EPB41L3: variants seen among roughly 807,000 people sequenced by gnomAD.
The protein encoded by EPB41L3 is erythrocyte membrane protein band 4.1 like 3, also known as band 4.1-like protein 3.
Under a neutral mutation model 127.1 loss-of-function variants are expected in EPB41L3, and 57 were observed. That is an observed-to-expected ratio of 0.45 (90% CI 0.36 to 0.56). The LOEUF is 0.56. Among genes scored for constraint, EPB41L3 ranks in the 20% least tolerant of loss-of-function variants. The pLI, the probability that EPB41L3 is intolerant of heterozygous loss-of-function variation, is 0.00. For synonymous variants in EPB41L3, 572 were observed against 549.5 expected, an observed-to-expected ratio of 1.04 and a Z score of -0.57; for missense variants, 1,273 against 1,372.2, an observed-to-expected ratio of 0.93 and a Z score of 1.14.
intron 5 of EPB41L3, among the ~76,000 whole-genome samples, 156 bp downstream of exon 5, chr18:5,443,682 C>T (rs1223546005): frequency 6.6e-6 from 1 of 152,164 alleles, no homozygotes; most frequent in African/African-American, 2.4e-5. Context: ...CAAGTTGTGA[C>T]AACTACAAAA....
At chr18:5,583,133 A>G (rs2094410143) in intron 3 of EPB41L3, among the ~76,000 whole-genome samples, 1 of 152,190 alleles carries the variant, frequency 6.6e-6, no homozygotes, top group Admixed American at 6.5e-5. Context: ...TTACTATACT[A>G]TTTTAACTGT....
chr18:5,596,835 G>A (rs1335805579), intron 3 of EPB41L3, among the ~76,000 whole-genome samples: 1 of 152,126 alleles, frequency 6.6e-6, no homozygotes, highest in Non-Finnish European at 1.5e-5. Context: ...TTTTAATAAT[G>A]AGGTATTTTT....
intron 5 of EPB41L3, among the ~76,000 whole-genome samples, chr18:5,443,328 T>C (rs1307072668): frequency 6.6e-6 from 1 of 152,254 alleles, no homozygotes; most frequent in African/African-American, 2.4e-5. Context: ...ATTTAGCAAC[T>C]GTTTAAGACT....
Position 5,420,757 on chromosome 18 carries a change from T to G in EPB41L3, c.1340-880A>C, listed in dbSNP as rs180910053. On this transcript the variant is annotated intron_variant, in intron 11 of 22. Coordinates refer to ENST00000341928, the MANE Select transcript of EPB41L3 (RefSeq NM_012307.5). ...TATTTTAGGTTTTAGATATAAAATT[T>G]ATTAAAACTTATAAATGTTGCTTTT... 1.9e-3 allele frequency among the ~76,000 whole-genome samples: 287 copies of G among 152,362 alleles called. 1 individual carries two copies. Among genetic ancestry groups the G allele is most frequent in the African/African-American group, 6.5e-3 (270 of 41,586 alleles).
At chr18:5,504,352 A>G (rs1169663641) in intron 1 of EPB41L3, among the ~76,000 whole-genome samples, 1 of 152,096 alleles carries the variant, frequency 6.6e-6, no homozygotes, top group Non-Finnish European at 1.5e-5. Context: ...AATCTCTTAT[A>G]TACTCAATCC....
At chr18:5,404,620 T>TA (rs996057037) in intron 16 of EPB41L3, among the ~76,000 whole-genome samples, 14 of 152,154 alleles carry the variant, frequency 9.2e-5, no homozygotes, top group East Asian at 1.9e-4. Context: ...ATTATAAATG[T>TA]AAAAAAAACA....
At chr18:5,453,384 G>T (rs1227807046) in intron 3 of EPB41L3, among the ~76,000 whole-genome samples, 1 of 152,180 alleles carries the variant, frequency 6.6e-6, no homozygotes, top group Admixed American at 6.5e-5. Context: ...AGTCCCTGCT[G>T]CTCAGGAAGG....
Position 5,397,408 on chromosome 18 carries a change from C to G in EPB41L3, c.2491G>C (p.Glu831Gln). Residue 831 changes from glutamate to glutamine, a missense_variant, in exon 18 of 23, where the codon GAG (glutamate) becomes CAG (glutamine). This residue lies in a region of EPB41L3 where 765 missense variants were observed against 782.9 expected (regional missense o/e 0.98). Coordinates refer to ENST00000341928, the MANE Select transcript of EPB41L3 (RefSeq NM_012307.5). This position sits in a 1 kb window ranked among gnomAD's most constrained non-coding sequence, Gnocchi z 4.1. ...SWVQKMETKT[E>Q]SSGIETEPTV... ...GGTTCCGTCTCTATTCCACTGGACT[C>G]CGTCTTGGTTTCCATTTTCTGCATG... The G allele has an allele frequency of 1.2e-6, 2 of 1,609,598 alleles. No individual in the cohort carries two copies. Among genetic ancestry groups the G allele is most frequent in the East Asian group, 2.2e-5 (1 of 44,782 alleles).
At chr18:5,614,058 G>A (rs559715568) in intron 2 of EPB41L3, among the ~76,000 whole-genome samples, 7 of 152,280 alleles carry the variant, frequency 4.6e-5, no homozygotes, top group African/African-American at 1.7e-4. Flanking sequence ...CACAGCAGAA[G>A]GGCAAATGAT....
upstream of EPB41L3, among the ~76,000 whole-genome samples, chr18:5,544,653 A>G (rs548873450): frequency 6.6e-6 from 1 of 152,346 alleles, no homozygotes; most frequent in African/African-American, 2.4e-5. Context: ...CAATATCTTA[A>G]GATCTAACCG....
At chr18:5,563,901 G>A (rs561455495) in intron 3 of EPB41L3, among the ~76,000 whole-genome samples, 252 of 152,296 alleles carry the variant, frequency 1.7e-3, no homozygotes, top group African/African-American at 5.9e-3. Flanking sequence ...TGAGACTAGG[G>A]AGAAGTTAAG....
intron 13 of EPB41L3, among the ~76,000 whole-genome samples, chr18:5,414,552 ACTTT>A (rs973986587): frequency 2.0e-5 from 3 of 152,102 alleles, no homozygotes; most frequent in African/African-American, 4.8e-5. Context: ...ACAGATTTAG[ACTTT>A]CTTTCCTTTT....
chr18:5,529,405 C>A (rs548120028), intron 1 of EPB41L3, among the ~76,000 whole-genome samples: 2 of 152,074 alleles, frequency 1.3e-5, no homozygotes, highest in African/African-American at 2.4e-5. Flanking sequence ...CCAGGTCCCC[C>A]CTCTGTGCGC....
intron 3 of EPB41L3, among the ~76,000 whole-genome samples, chr18:5,450,854 T>G (rs554835556): frequency 6.6e-6 from 1 of 152,070 alleles, no homozygotes. Flanking sequence ...TGCATCTTTA[T>G]GGTGTAATTT....
chr18:5,527,786 TC>T (rs2093279673), intron 1 of EPB41L3, among the ~76,000 whole-genome samples: 1 of 152,134 alleles, frequency 6.6e-6, no homozygotes, highest in African/African-American at 2.4e-5. Flanking sequence ...GCTCGGCAAG[TC>T]CAATGCCTCT....
At chr18:5,479,186 C>G (rs2874689) in intron 2 of EPB41L3, among the ~76,000 whole-genome samples, 82,757 of 152,074 alleles carry the variant, frequency 0.54, 24,406 homozygotes, top group Non-Finnish European at 0.65. Flanking sequence ...TGGAAATGTG[C>G]ACACAGATCT....
chr18:5,523,874 A>T (rs180700032), intron 1 of EPB41L3, among the ~76,000 whole-genome samples: 2,473 of 151,834 alleles, frequency 0.016, 57 homozygotes, highest in African/African-American at 0.056. Context: ...AACCTTTTTT[A>T]AAAAAAAATT....
At chr18:5,516,157 C>A in intron 1 of EPB41L3, among the ~76,000 whole-genome samples, 1 of 152,318 alleles carries the variant, frequency 6.6e-6, no homozygotes, top group East Asian at 1.9e-4. Context: ...AGTCCAGGGG[C>A]AGATACTCCC....
At chr18:5,627,309 C>T (rs899765368) in intron 1 of EPB41L3, among the ~76,000 whole-genome samples, 2 of 152,142 alleles carry the variant, frequency 1.3e-5, no homozygotes, top group Non-Finnish European at 2.9e-5. Flanking sequence ...ATGGCATGTT[C>T]ATCCCCGTGT....
Sources: allele counts gnomAD v4.1 joint callset (sites outside exome capture counted in the v4.1 genomes callset), GRCh38; gene constraint gnomAD v4.1.1; regional missense constraint gnomAD v4.1.1; non-coding constraint Gnocchi (gnomAD v3.1); transcripts MANE v1.5; gene names NCBI Gene and HGNC (gene_info 2026-07-23, HGNC 2026-07-21).